CDKAL1: variants seen among roughly 807,000 people sequenced by gnomAD.
CDKAL1 encodes threonylcarbamoyladenosine tRNA methylthiotransferase.
CDKAL1 carries 32 observed loss-of-function variants against 68.2 expected under a neutral mutation model. That is an observed-to-expected ratio of 0.47 (90% CI 0.35 to 0.63). CDKAL1 has a LOEUF of 0.63. Among genes scored for constraint, CDKAL1 ranks in the 30% least tolerant of loss-of-function variants. The probability of loss-of-function intolerance (pLI) is 0.00; values close to 1 mark genes in which losing one functional copy is unlikely to be tolerated. For synonymous variants in CDKAL1, 234 were observed against 244.3 expected (o/e 0.96, Z 0.39); for missense variants, 606 against 696.7 (o/e 0.87, Z 1.47).
At chr6:20,985,245 C>T (rs1581966168) in intron 10 of CDKAL1, among the ~76,000 whole-genome samples, 1 of 151,720 alleles carries the variant, frequency 6.6e-6, no homozygotes, top group African/African-American at 2.4e-5. Context: ...CATTCAAAAG[C>T]CTCTCTTCTA....
chr6:20,754,498 T>C lies in CDKAL1; in HGVS notation c.469-4097T>C, dbSNP rs567897074. Among the ~76,000 whole-genome samples the C allele has an allele frequency of 5.3e-5, 8 of 152,336 alleles. No homozygotes were observed. In the South Asian group the frequency reaches 1.7e-3, roughly 32 times the overall value. ...CTAAAACTCTATACCCATTAAGCAA[T>C]AGCTCCCTATTCCTACGTTACGGTT... On this transcript the variant is annotated intron_variant, in intron 6 of 15. Coordinates refer to ENST00000274695, the MANE Select transcript of CDKAL1 (RefSeq NM_017774.3).
chr6:20,871,261 G>A (rs1255322399), intron 9 of CDKAL1, among the ~76,000 whole-genome samples: 3 of 152,108 alleles, frequency 2.0e-5, no homozygotes, highest in Non-Finnish European at 2.9e-5. Context: ...TTATCAATAA[G>A]CTGAATAAGA....
At chr6:20,911,191 A>G (rs1325163891) in intron 9 of CDKAL1, among the ~76,000 whole-genome samples, 1 of 152,222 alleles carries the variant, frequency 6.6e-6, no homozygotes, top group Non-Finnish European at 1.5e-5. Flanking sequence ...GGCACTATTC[A>G]TTAACTCCAT....
At chr6:21,125,505 T>A (rs1337800467) in intron 13 of CDKAL1, among the ~76,000 whole-genome samples, 1 of 152,046 alleles carries the variant, frequency 6.6e-6, no homozygotes, top group Non-Finnish European at 1.5e-5. Flanking sequence ...AAACCCCGTC[T>A]CTACTAAAAA....
At chr6:20,975,813 T>C (rs901761844) in intron 10 of CDKAL1, among the ~76,000 whole-genome samples, 1 of 152,244 alleles carries the variant, frequency 6.6e-6, no homozygotes, top group African/African-American at 2.4e-5. Context: ...ATTTACTTTT[T>C]GATTTGTTCC....
chr6:20,710,337 A>G (rs1010567394), intron 5 of CDKAL1, among the ~76,000 whole-genome samples: 1 of 152,162 alleles, frequency 6.6e-6, no homozygotes, highest in Non-Finnish European at 1.5e-5. Context: ...AGAAACACAA[A>G]TACTTAGCTT....
At chr6:20,582,132 G>A (rs1043570541) in intron 4 of CDKAL1, among the ~76,000 whole-genome samples, 10 of 152,106 alleles carry the variant, frequency 6.6e-5, no homozygotes, top group Non-Finnish European at 1.3e-4. Context: ...ACATTTATAT[G>A]AAGTAAAATT....
At chr6:20,750,147 C>T (rs1436382371) in intron 6 of CDKAL1, among the ~76,000 whole-genome samples, 4 of 152,118 alleles carry the variant, frequency 2.6e-5, no homozygotes, top group South Asian at 2.1e-4. Context: ...CAAGGTTTCG[C>T]CCTGTCACTC....
chr6:20,874,945 G>T (rs2150549795), intron 9 of CDKAL1, among the ~76,000 whole-genome samples: 1 of 152,276 alleles, frequency 6.6e-6, no homozygotes, highest in African/African-American at 2.4e-5. Context: ...AAGAGAGGTT[G>T]TGTCAAAAAA....
intron 9 of CDKAL1, among the ~76,000 whole-genome samples, chr6:20,939,547 CA>C (rs1227810864): frequency 2.0e-5 from 3 of 152,124 alleles, no homozygotes; most frequent in Non-Finnish European, 4.4e-5. Flanking sequence ...AAAACTTAAC[CA>C]GGGCACTTAT....
chr6:20,539,755 T>A lies in CDKAL1; in HGVS notation c.-6+4361T>A, dbSNP rs1014289782. Among the ~76,000 whole-genome samples, 1 of 152,320 alleles carries A rather than the reference T, an allele frequency of 6.6e-6. No individual in the cohort carries two copies. Among genetic ancestry groups the A allele is most frequent in the African/African-American group, 2.4e-5 (1 of 41,568 alleles). ...GATCTTTGTAGTGATTTTGGCTTTT[T>A]ACTCTGATATGGAATACCACTGGAA... On this transcript the variant is annotated intron_variant, in intron 2 of 15. Transcript: ENST00000274695. The surrounding 1 kb of genome is among the most constrained non-coding windows in gnomAD (Gnocchi z 4.3).
intron 4 of CDKAL1, among the ~76,000 whole-genome samples, chr6:20,588,780 A>G (rs1765477571): frequency 6.6e-6 from 1 of 152,110 alleles, no homozygotes; most frequent in African/African-American, 2.4e-5. Context: ...AATCTCATCT[A>G]TTTTACATTT....
chr6:21,021,438 T>C (rs1236582983), intron 11 of CDKAL1, among the ~76,000 whole-genome samples: 1 of 152,146 alleles, frequency 6.6e-6, no homozygotes, highest in African/African-American at 2.4e-5. Flanking sequence ...AGACAAGAAT[T>C]TGTTGCAGAT....
At chr6:20,595,889 T>C (rs1344365937) in intron 4 of CDKAL1, among the ~76,000 whole-genome samples, 1 of 152,202 alleles carries the variant, frequency 6.6e-6, no homozygotes, top group African/African-American at 2.4e-5. Context: ...GTTGATGCTA[T>C]TCCTTTCTGT....
At chr6:20,756,854 C>CCTTT (rs1774204333) in intron 6 of CDKAL1, 5 of 51,702 alleles carry the variant, frequency 9.7e-5, no homozygotes, top group East Asian at 6.4e-4. Context: ...CTTCCTTCTC[C>CCTTT]CCTTCCTTCC....
intron 8 of CDKAL1, among the ~76,000 whole-genome samples, chr6:20,828,765 C>T (rs762835432): frequency 2.6e-5 from 4 of 152,132 alleles, no homozygotes; most frequent in Non-Finnish European, 4.4e-5. Context: ...TAAGTACATT[C>T]GTGTTGTTGT....
At chr6:20,732,113 G>A (rs1297828002) in intron 5 of CDKAL1, among the ~76,000 whole-genome samples, 3 of 151,014 alleles carry the variant, frequency 2.0e-5, no homozygotes, top group East Asian at 1.9e-4. Flanking sequence ...TGGCACAGTC[G>A]AAGCTCACTG....
intron 5 of CDKAL1, among the ~76,000 whole-genome samples, chr6:20,706,150 C>T (rs1023223122): frequency 6.6e-6 from 1 of 152,160 alleles, no homozygotes; most frequent in Non-Finnish European, 1.5e-5. Flanking sequence ...GGCAGGCCCT[C>T]TCTATGGAAA....
Position 20,596,154 on chromosome 6 carries a change from G to A in CDKAL1, c.286+47449G>A, listed in dbSNP as rs1054221477. ...GCACGAGGATCAGGGACCCACTTGA[G>A]GAGGCAGTCCTGTCCCTTAGCAGAA... is the stretch of plus-strand genomic sequence containing the variant. On this transcript the variant is annotated intron_variant, in intron 4 of 15. Transcript: ENST00000274695. Among the ~76,000 whole-genome samples, 2 of 152,230 alleles carry A rather than the reference G, an allele frequency of 1.3e-5. 1 individual carries two copies. The highest frequency in any genetic ancestry group is 4.1e-4 in the South Asian group (2 of 4,836).
Sources: allele counts gnomAD v4.1 joint callset (sites outside exome capture counted in the v4.1 genomes callset), GRCh38; gene constraint gnomAD v4.1.1; non-coding constraint Gnocchi (gnomAD v3.1); transcripts MANE v1.5; gene names NCBI Gene and HGNC (gene_info 2026-07-23, HGNC 2026-07-21).